CDC45: variants seen among roughly 807,000 people sequenced by gnomAD.
CDC45 encodes cell division control protein 45 homolog.
Under a neutral mutation model 77.8 loss-of-function variants are expected in CDC45, and 54 were observed. That is an observed-to-expected ratio of 0.69 (90% CI 0.56 to 0.87). The LOEUF (loss-of-function observed/expected upper bound fraction) is 0.87. Ranked by LOEUF, CDC45 falls within the 40% of genes least tolerant of loss-of-function variation. The pLI is 0.00. For synonymous variants in CDC45, 260 were observed against 272.1 expected, an observed-to-expected ratio of 0.96 and a Z score of 0.44; for missense variants, 649 against 721.6, an observed-to-expected ratio of 0.90 and a Z score of 1.15.
chr22:19,508,725 C>G, intron 13 of CDC45, 34 bp downstream of exon 13: 1 of 1,604,830 alleles, frequency 6.2e-7, no homozygotes, highest in Non-Finnish European at 8.5e-7. Context: ...CCTCATGGGG[C>G]CACCACTGGT....
chr22:19,516,798 A>G lies in CDC45; in HGVS notation c.1560-19A>G, dbSNP rs769877924. On this transcript the variant is annotated intron_variant, in intron 16 of 18. Coordinates refer to ENST00000263201, the MANE Select transcript of CDC45 (RefSeq NM_003504.5). ...CATTGCAGGCCGCCTGGCCCCCGAC[A>G]TGTCTTGTGTGTCAGCAGCTTTTTT... 5.0e-6 allele frequency: 8 copies of G among 1,613,182 alleles called. No individual in the cohort carries two copies. The highest frequency in any genetic ancestry group is 1.3e-5 in the African/African-American group (1 of 75,002).
intron 5 of CDC45, among the ~76,000 whole-genome samples, chr22:19,493,674 C>T (rs2090192157): frequency 6.6e-6 from 1 of 152,136 alleles, no homozygotes; most frequent in Non-Finnish European, 1.5e-5. Context: ...TAACTCCTGA[C>T]CTCATGTGAT....
intron 18 of CDC45, among the ~76,000 whole-genome samples, chr22:19,519,242 C>T (rs924854300): frequency 1.8e-4 from 27 of 152,352 alleles, no homozygotes; most frequent in African/African-American, 5.8e-4. Flanking sequence ...CCTCGAAGGC[C>T]ACCTGGAGCC....
Position 19,493,760 on chromosome 22 carries a change from A to T in CDC45, c.487-567A>T, listed in dbSNP as rs547315196. Among the ~76,000 whole-genome samples the T allele has an allele frequency of 6.6e-5, 10 of 152,250 alleles. No homozygotes were observed. The South Asian group carries it at 2.1e-3, about 32-fold the overall frequency. On this transcript the variant is annotated intron_variant, in intron 5 of 18. Coordinates refer to ENST00000263201, the MANE Select transcript of CDC45 (RefSeq NM_003504.5). ...CCAGCCTTACTTTGTTTGATCTATG[A>T]TGTCGAAGGGTTTTCGGTATATTTA...
chr22:19,518,958 C>A, intron 18 of CDC45, 49 bp downstream of exon 18: 1 of 1,381,716 alleles, frequency 7.2e-7, no homozygotes, highest in Non-Finnish European at 1.0e-6. Context: ...CCCCTCAGAG[C>A]CCGACCCTGA....
intron 9 of CDC45, 98 bp from the exon 10 acceptor site, chr22:19,505,264 C>A (rs1307631742): frequency 2.9e-5 from 42 of 1,429,384 alleles, no homozygotes; most frequent in Non-Finnish European, 4.0e-5. Context: ...GTGAGCAGGC[C>A]CCTGAGGAAG....
At position 19,481,003 on chromosome 22, in the gene CDC45, G is replaced by A; in HGVS notation, c.162G>A (p.Gly54=). 1.2e-6 allele frequency: 2 copies of A among 1,613,822 alleles called. No individual in the cohort carries two copies. The highest frequency in any genetic ancestry group is 1.7e-6 in the Non-Finnish European group (2 of 1,179,822). The change falls in exon 3 of 19, where the codon GGG becomes GGA. Residue 54 remains glycine, a synonymous_variant. Coordinates refer to ENST00000263201, the MANE Select transcript of CDC45 (RefSeq NM_003504.5). ...HVQYTLVPVS[G]WQELETAFLE... ...AATATACGCTGGTTCCAGTTTCTGGGTGGCAAGAACTTGAAACTGCATTTC... is the reference window on the plus strand; with the variant it reads ...AATATACGCTGGTTCCAGTTTCTGGATGGCAAGAACTTGAAACTGCATTTC...
rs188422953 is a variant in CDC45, at chr22:19,503,008, A to T, written c.705-2354A>T. On this transcript the variant is annotated intron_variant, in intron 9 of 18. Transcript: ENST00000263201. ...ACATAGAACCCCTCTCTATAAAAAT[A>T]AAAAAAAAATCAGCTGGGCATGGTG... Among the ~76,000 whole-genome samples, 726 of 150,292 alleles carry T rather than the reference A, an allele frequency of 4.8e-3. 5 individuals carry two copies. Among genetic ancestry groups the T allele is most frequent in the Admixed American group, 8.3e-3 (125 of 15,078 alleles).
At chr22:19,496,094 G>A (rs769302137) in intron 7 of CDC45, 65 bp downstream of exon 7, 12 of 1,104,598 alleles carry the variant, frequency 1.1e-5, no homozygotes, top group Non-Finnish European at 1.6e-5. Flanking sequence ...CCTCAAATGT[G>A]AAGAAGAAAC....
At chr22:19,484,132 A>G (rs2090028866) in intron 5 of CDC45, 127 bp downstream of exon 5, 4 of 858,862 alleles carry the variant, frequency 4.7e-6, no homozygotes, top group Non-Finnish European at 7.1e-6. Flanking sequence ...GCAGGCATGG[A>G]TGCTGACCCT....
chr22:19,517,222 G>C (rs1048839772), intron 17 of CDC45, among the ~76,000 whole-genome samples: 3 of 152,186 alleles, frequency 2.0e-5, no homozygotes, highest in Non-Finnish European at 4.4e-5. Flanking sequence ...CACCTGTCAG[G>C]GTTGGGTTGT....
In CDC45 at chr22:19,507,088, C is replaced by T. The variant is rs1437836130; in HGVS notation, c.825-298C>T. ...GCTGGTGACGCCCAGCCTCCTACGT[C>T]ATGTGTGGCCATGACTGCTCCATGT... On this transcript the variant is annotated intron_variant, in intron 10 of 18. Coordinates refer to ENST00000263201, the MANE Select transcript of CDC45 (RefSeq NM_003504.5). Among the ~76,000 whole-genome samples, 3 of 152,170 alleles carry T rather than the reference C, an allele frequency of 2.0e-5. 1 individual carries two copies. The highest frequency in any genetic ancestry group is 4.4e-5 in the Non-Finnish European group (3 of 68,028).
At chr22:19,508,426 A>G (rs1933328497) in intron 12 of CDC45, 104 bp from the exon 13 acceptor site, 1 of 1,200,530 alleles carries the variant, frequency 8.3e-7, no homozygotes, top group Admixed American at 1.7e-5. Context: ...TGCTGGAAGC[A>G]TTGACTTGGG....
chr22:19,508,077 ACTT>A (rs890186241), intron 12 of CDC45, among the ~76,000 whole-genome samples: 9 of 151,962 alleles, frequency 5.9e-5, no homozygotes, highest in African/African-American at 2.2e-4. Context: ...TAAAAATAAG[ACTT>A]CTTCAAGCTT....
At chr22:19,496,152 C>G in intron 7 of CDC45, 123 bp downstream of exon 7, 2 of 710,166 alleles carry the variant, frequency 2.8e-6, no homozygotes, top group South Asian at 1.7e-5. Flanking sequence ...AGCTCCATGT[C>G]TTCCCCCTGT....
At chr22:19,495,932 T>C (rs375553186) in intron 6 of CDC45, 49 bp from the exon 7 acceptor site, 2 of 1,343,474 alleles carry the variant, frequency 1.5e-6, no homozygotes, top group Non-Finnish European at 2.1e-6. Context: ...ATATTTGGCT[T>C]CCTGTACTGC....
chr22:19,507,239 G>C, intron 10 of CDC45, 147 bp from the exon 11 acceptor site: 1 of 901,264 alleles, frequency 1.1e-6, no homozygotes, highest in Non-Finnish European at 1.7e-6. Flanking sequence ...GAAGGTCAAA[G>C]GGCTCCAGGT....
intron 5 of CDC45, among the ~76,000 whole-genome samples, chr22:19,487,782 G>A (rs891610630): frequency 6.6e-6 from 1 of 151,616 alleles, no homozygotes; most frequent in African/African-American, 2.4e-5. Context: ...CATGGTGGCA[G>A]GAGCCTGTAG....
intron 3 of CDC45, 144 bp from the exon 4 acceptor site, chr22:19,482,545 GC>G (rs1379971043): frequency 1.4e-4 from 110 of 781,086 alleles, no homozygotes; most frequent in Middle Eastern, 3.9e-4. Flanking sequence ...TGCCAGCCTG[GC>G]CATTTTTTGG....
Sources: gnomAD v4.1 joint callset for allele counts (sites outside exome capture counted in the v4.1 genomes callset) on GRCh38, gnomAD v4.1.1 for gene constraint, MANE v1.5 for transcripts, NCBI Gene and HGNC (gene_info 2026-07-23, HGNC 2026-07-21) for gene names.